The following TTC27 variants were observed in gnomAD, a reference collection of about 807,000 sequenced individuals.
TTC27 encodes tetratricopeptide repeat protein 27.
A neutral mutation model predicts 115.9 loss-of-function variants in TTC27; 79 were observed. The ratio of observed to expected loss-of-function variants is 0.68; its 90% confidence interval spans 0.57 to 0.82. The LOEUF is 0.82. Ranked by LOEUF, TTC27 falls within the 40% of genes least tolerant of loss-of-function variation. The probability of loss-of-function intolerance (pLI) is 0.00; values close to 1 mark genes in which losing one functional copy is unlikely to be tolerated. For synonymous variants in TTC27, 401 were observed against 356.0 expected, an observed-to-expected ratio of 1.13 and a Z score of -1.42; for missense variants, 1,054 against 993.1, an observed-to-expected ratio of 1.06 and a Z score of -0.82.
At chr2:32,697,691 T>G (rs1484642185) in intron 9 of TTC27, among the ~76,000 whole-genome samples, 3 of 152,208 alleles carry the variant, frequency 2.0e-5, no homozygotes, top group Non-Finnish European at 4.4e-5. Context: ...TTAACCTGCT[T>G]ATTCAGGGGC....
chr2:32,723,332 T>A (rs1406154873), intron 10 of TTC27, among the ~76,000 whole-genome samples: 1 of 152,008 alleles, frequency 6.6e-6, no homozygotes, highest in African/African-American at 2.4e-5. Context: ...CAGCTCTTGG[T>A]GGGGGTGGTT....
intron 3 of TTC27, among the ~76,000 whole-genome samples, chr2:32,638,768 G>C (rs1416929253): frequency 6.6e-6 from 1 of 152,204 alleles, no homozygotes; most frequent in Non-Finnish European, 1.5e-5. Flanking sequence ...TATTGAGCCA[G>C]GGAGTGGCAT....
intron 9 of TTC27, among the ~76,000 whole-genome samples, chr2:32,680,955 G>C (rs1161367630): frequency 1.3e-5 from 2 of 152,020 alleles, no homozygotes; most frequent in African/African-American, 4.8e-5. Flanking sequence ...AGGTACCTGT[G>C]AAGTAATTAG....
chr2:32,767,461 T>TTTTG (rs1553317331), intron 13 of TTC27, among the ~76,000 whole-genome samples: 1 of 140,408 alleles, frequency 7.1e-6, no homozygotes, highest in East Asian at 2.0e-4. Flanking sequence ...TTGTTTTTTT[T>TTTTG]TTTTTTTTTG....
chr2:32,730,708 G>A (rs3818264), intron 10 of TTC27, among the ~76,000 whole-genome samples: 69,497 of 150,046 alleles, frequency 0.46, 16,313 homozygotes, highest in Middle Eastern at 0.51. Context: ...TGCAACCTCC[G>A]CCTCCTGGGT....
At chr2:32,696,230 C>T (rs564353485) in intron 9 of TTC27, among the ~76,000 whole-genome samples, 8 of 151,772 alleles carry the variant, frequency 5.3e-5, no homozygotes, top group East Asian at 1.9e-4. Flanking sequence ...CTTTTTAAAG[C>T]GGATTGATAC....
At chr2:32,810,465 T>TG (rs1366862899) in intron 16 of TTC27, among the ~76,000 whole-genome samples, 4 of 152,062 alleles carry the variant, frequency 2.6e-5, no homozygotes, top group Admixed American at 6.5e-5. Flanking sequence ...GTGGCAGAAG[T>TG]GGGAGATAAT....
At chr2:32,751,653 C>A (rs1669022943) in intron 12 of TTC27, among the ~76,000 whole-genome samples, 2 of 152,114 alleles carry the variant, frequency 1.3e-5, no homozygotes, top group Admixed American at 6.5e-5. Context: ...AAAGAGGTAA[C>A]CCTAAGAAGA....
At chr2:32,686,952 C>T (rs1666652019) in intron 9 of TTC27, among the ~76,000 whole-genome samples, 1 of 152,126 alleles carries the variant, frequency 6.6e-6, no homozygotes, top group South Asian at 2.1e-4. Flanking sequence ...TCAAGCAATT[C>T]CTGTGCCTCA....
chr2:32,706,035 A>G (rs1667353954), intron 10 of TTC27, among the ~76,000 whole-genome samples: 1 of 113,710 alleles, frequency 8.8e-6, no homozygotes, highest in Non-Finnish European at 1.9e-5. Flanking sequence ...GTTTTATTTT[A>G]TGGGGTGTAA....
Position 32,729,555 on chromosome 2 carries a change from C to G in TTC27, c.1234-4273C>G, listed in dbSNP as rs116365233. On this transcript the variant is annotated intron_variant, in intron 10 of 19. Coordinates refer to ENST00000317907, the MANE Select transcript of TTC27 (RefSeq NM_017735.5). ...CAAAGGACACTGAAAGTATAAATGT[C>G]TTTAGGCGGAGTTAGGGAGTAAATG... Among the ~76,000 whole-genome samples, 1,052 of 152,052 alleles carry G rather than the reference C, an allele frequency of 6.9e-3. 8 individuals are homozygous for G. The highest frequency in any genetic ancestry group is 0.024 in the African/African-American group (1,004 of 41,510).
chr2:32,691,770 A>C (rs1406955763), intron 9 of TTC27, among the ~76,000 whole-genome samples: 1 of 151,944 alleles, frequency 6.6e-6, no homozygotes, highest in Non-Finnish European at 1.5e-5. Context: ...AAAATATTAA[A>C]AGTACATGAA....
chr2:32,751,998 A>G (rs566522311), intron 12 of TTC27, among the ~76,000 whole-genome samples: 1 of 152,336 alleles, frequency 6.6e-6, no homozygotes, highest in African/African-American at 2.4e-5. Context: ...TTTCAGGATC[A>G]GTCAGTCACT....
chr2:32,655,767 G>A (rs1665292816), intron 5 of TTC27, among the ~76,000 whole-genome samples: 1 of 149,076 alleles, frequency 6.7e-6, no homozygotes, highest in South Asian at 2.1e-4. Flanking sequence ...GTCTCGATCT[G>A]TCACCCAGTA....
Position 32,648,383 on chromosome 2 carries a change from G to A in TTC27, c.538-1748G>A, listed in dbSNP as rs537635532. Among the ~76,000 whole-genome samples, 4 of 151,148 alleles carry A rather than the reference G, an allele frequency of 2.6e-5. No individual in the cohort carries two copies. The East Asian group carries it at 5.9e-4, about 22-fold the overall frequency. ...ACCTCAGGTGATCAGCCCCACCTCG[G>A]CCTCCCATAGTGCTAGGACTACAGG... On this transcript the variant is annotated intron_variant, in intron 4 of 19. Coordinates refer to ENST00000317907, the MANE Select transcript of TTC27 (RefSeq NM_017735.5).
chr2:32,664,456 T>G lies in TTC27; in HGVS notation c.794T>G (p.Ile265Ser). The G allele has an allele frequency of 5.0e-6, 8 of 1,603,112 alleles. No homozygotes were observed. The highest frequency in any genetic ancestry group is 6.8e-6 in the Non-Finnish European group (8 of 1,177,688). Residue 265 changes from isoleucine to serine, a missense_variant, in exon 6 of 20, where the codon ATT becomes AGT. By Grantham distance (142) the Ile-to-Ser change is moderately radical. Coordinates refer to ENST00000317907, the MANE Select transcript of TTC27 (RefSeq NM_017735.5). ...GCTAAGGACATCAGCCAATTACAAATTGATTTGACAGGTAAGACTTATTTT... is the reference window on the plus strand; with the variant it reads ...GCTAAGGACATCAGCCAATTACAAAGTGATTTGACAGGTAAGACTTATTTT... ...DIAKDISQLQ[I>S]DLTGALGKRT...
At chr2:32,809,579 A>G (rs1417595769) in intron 16 of TTC27, among the ~76,000 whole-genome samples, 2 of 152,328 alleles carry the variant, frequency 1.3e-5, no homozygotes, top group East Asian at 3.9e-4. Context: ...CTGTCGGTCC[A>G]TGGACTGCAC....
intron 10 of TTC27, chr2:32,704,868 A>G (rs1253460999): frequency 4.2e-6 from 2 of 471,310 alleles, no homozygotes; most frequent in South Asian, 3.1e-5. Flanking sequence ...CAGGTGGCAC[A>G]TGATGTTCAC....
At chr2:32,731,269 A>G (rs1487232128) in intron 10 of TTC27, among the ~76,000 whole-genome samples, 1 of 151,836 alleles carries the variant, frequency 6.6e-6, no homozygotes, top group African/African-American at 2.4e-5. Flanking sequence ...TTGTATTTTT[A>G]GTAGACACGG....
Sources: allele counts gnomAD v4.1 joint callset (sites outside exome capture counted in the v4.1 genomes callset), GRCh38; gene constraint gnomAD v4.1.1; transcripts MANE v1.5; gene names NCBI Gene and HGNC (gene_info 2026-07-23, HGNC 2026-07-21).